WDR62: variants seen among roughly 807,000 people sequenced by gnomAD.
WDR62 encodes WD repeat domain 62.
Under a neutral mutation model 160.6 loss-of-function variants are expected in WDR62, and 112 were observed. The ratio of observed to expected loss-of-function variants is 0.70; its 90% CI spans 0.60 to 0.82. The LOEUF is 0.82. WDR62 is among the 40% of genes least tolerant of loss of function. The pLI is 0.00. For missense variants in WDR62, 1,819 were observed against 1,983.8 expected, an observed-to-expected ratio of 0.92 and a Z score of 1.58; for synonymous variants, 792 against 815.1, an observed-to-expected ratio of 0.97 and a Z score of 0.48.
At position 36,067,373 on chromosome 19, in the gene WDR62, G is replaced by C; in HGVS notation, c.629G>C (p.Ser210Thr). Residue 210 changes from serine (S) to threonine (T), a missense_variant, in exon 6 of 32, where the codon AGC (serine) becomes ACC (threonine). Ser to Thr is a moderately conservative substitution (Grantham distance 58). Transcript: ENST00000401500. ...RVIALSFSED[S>T]SYFVTVGNRH... Reference sequence around the variant, plus strand: ...ATTGCCCTCTCCTTCTCAGAGGACAGCAGCTATTTTGTCACTGTTGGGAAC... The same window carrying C: ...ATTGCCCTCTCCTTCTCAGAGGACACCAGCTATTTTGTCACTGTTGGGAAC... 1 of 1,614,198 alleles carries C rather than the reference G, an allele frequency of 6.2e-7. No homozygotes were observed. Among genetic ancestry groups the C allele is most frequent in the Non-Finnish European group, 8.5e-7 (1 of 1,180,014 alleles).
rs754970455 is a variant in WDR62, at chr19:36,099,648, G to A, written c.2739+31G>A. The A allele has an allele frequency of 3.3e-5, 53 of 1,610,620 alleles. No individual in the cohort carries two copies. The South Asian group carries it at 5.2e-4, about 16-fold the overall frequency. On this transcript the variant is annotated intron_variant, in intron 22 of 31. Transcript: ENST00000401500. Reference sequence around the variant, plus strand: ...CACTTCCACCGCAGCCTGGCCCATAGCCCCGGCACCGTGACGGCCCCAGGG... The same window carrying A: ...CACTTCCACCGCAGCCTGGCCCATAACCCCGGCACCGTGACGGCCCCAGGG...
At chr19:36,101,095 G>T in intron 23 of WDR62, 119 bp from the exon 24 acceptor site, 1 of 1,173,244 alleles carries the variant, frequency 8.5e-7, no homozygotes, top group South Asian at 1.3e-5. Flanking sequence ...AGGCGGGGAG[G>T]CTGTCGCAGT....
chr19:36,061,356 A>G (rs1489743205), intron 3 of WDR62: 1 of 152,246 alleles, frequency 6.6e-6, no homozygotes, highest in Non-Finnish European at 1.5e-5. Flanking sequence ...AGCTGCCTCC[A>G]ACTGGGAGAG....
the WDR62 span, among the ~76,000 whole-genome samples, chr19:36,110,756 A>T: frequency 6.6e-6 from 1 of 152,268 alleles, no homozygotes; most frequent in African/African-American, 2.4e-5. Context: ...CAATCACAGC[A>T]GGGGGCCCCT....
At chr19:36,077,182 C>G (rs1294727653) in intron 9 of WDR62, among the ~76,000 whole-genome samples, 1 of 152,118 alleles carries the variant, frequency 6.6e-6, no homozygotes, top group Non-Finnish European at 1.5e-5. Flanking sequence ...CCACTCCCCC[C>G]ATCCATGGAA....
intron 23 of WDR62, 106 bp downstream of exon 23, chr19:36,100,981 G>T: frequency 6.4e-7 from 1 of 1,572,040 alleles, no homozygotes; most frequent in Non-Finnish European, 8.7e-7. Context: ...TGTGGGAGTG[G>T]GGACAGTTGA....
chr19:36,086,001 G>T (rs1245846430), intron 12 of WDR62, among the ~76,000 whole-genome samples: 1 of 152,026 alleles, frequency 6.6e-6, no homozygotes, highest in African/African-American at 2.4e-5. Flanking sequence ...TGTTTTCTAG[G>T]CTGGGCACGG....
chr19:36,092,557 G>A, intron 18 of WDR62, 132 bp from the exon 19 acceptor site: 1 of 1,294,062 alleles, frequency 7.7e-7, no homozygotes, highest in East Asian at 2.4e-5. Context: ...TAAGCGGATA[G>A]GGGTGTGTTT....
chr19:36,070,912 A>C (rs1179253910), intron 7 of WDR62: 1 of 153,458 alleles, frequency 6.5e-6, no homozygotes, highest in African/African-American at 2.4e-5. Flanking sequence ...AAGGGAATAA[A>C]ATTTAAGCCT....
At chr19:36,062,956 T>TC in intron 3 of WDR62, among the ~76,000 whole-genome samples, 1 of 152,078 alleles carries the variant, frequency 6.6e-6, no homozygotes. Context: ...CTTGACATTT[T>TC]TTTTTTTCTT....
chr19:36,101,448 C>G, intron 24 of WDR62, 131 bp downstream of exon 24: 1 of 931,458 alleles, frequency 1.1e-6, no homozygotes, highest in Non-Finnish European at 1.7e-6. Flanking sequence ...GTGGTCCCTG[C>G]TGCTGCCTGA....
At chr19:36,085,437 T>TTTTTTTA (rs1972162150) in intron 12 of WDR62, among the ~76,000 whole-genome samples, 2 of 121,648 alleles carry the variant, frequency 1.6e-5, no homozygotes, top group South Asian at 2.6e-4. Flanking sequence ...TTTTTTTTTT[T>TTTTTTTA]GAGACAAGAG....
intron 9 of WDR62, among the ~76,000 whole-genome samples, chr19:36,080,361 G>T (rs188140661): frequency 6.6e-6 from 1 of 151,460 alleles, no homozygotes; most frequent in South Asian, 2.1e-4. Context: ...TGATCCTCCC[G>T]CCTCGGCCTC....
downstream of WDR62, among the ~76,000 whole-genome samples, chr19:36,108,713 G>A (rs1211017650): frequency 4.6e-5 from 7 of 152,022 alleles, no homozygotes; most frequent in East Asian, 1.2e-3. Context: ...AATTAGCTAG[G>A]TGTGGTGGTG....
At chr19:36,071,781 CA>C in intron 8 of WDR62, 65 bp downstream of exon 8, 2 of 1,557,628 alleles carry the variant, frequency 1.3e-6, no homozygotes, top group Admixed American at 1.8e-5. Flanking sequence ...GGCATTCATC[CA>C]TGCTTCCAGA....
At chr19:36,084,617 G>C (rs376053272) in intron 11 of WDR62, 36 bp from the exon 12 acceptor site, 24 of 1,602,110 alleles carry the variant, frequency 1.5e-5, no homozygotes, top group Non-Finnish European at 2.0e-5. Context: ...ATGGGGCTGG[G>C]GTGTGGGGCT....
chr19:36,055,031 TG>T lies in WDR62; in HGVS notation c.61del (p.Val21SerfsTer56). On this transcript the variant is annotated frameshift_variant, in exon 1 of 32. Coordinates refer to ENST00000401500, the MANE Select transcript of WDR62 (RefSeq NM_001083961.2). LOFTEE classifies it high-confidence loss of function. ...RNDAGEKLPS[V>X]MAGVPARRGQ... ...ACGATGCAGGGGAGAAGCTGCCCTC[TG>T]TCATGGCGGGAGTTCCGGCGCGGAG... 1 of 1,607,964 alleles carries T rather than the reference TG, an allele frequency of 6.2e-7. No individual in the cohort carries two copies. Among genetic ancestry groups the T allele is most frequent in the African/African-American group, 1.3e-5 (1 of 74,978 alleles).
chr19:36,066,515 G>C, intron 5 of WDR62, 88 bp downstream of exon 5: 1 of 1,429,866 alleles, frequency 7.0e-7, no homozygotes, highest in Non-Finnish European at 9.6e-7. Context: ...ATGAGAGGAC[G>C]CAGTAAAGTG....
At chr19:36,086,956 G>A (rs1198018857) in intron 13 of WDR62, 144 bp downstream of exon 13, 6 of 1,270,164 alleles carry the variant, frequency 4.7e-6, no homozygotes, top group East Asian at 2.8e-5. Context: ...GACTGGGGCC[G>A]GGTGTAATGG....
Sources: gnomAD v4.1 joint callset for allele counts (sites outside exome capture counted in the v4.1 genomes callset) on GRCh38, gnomAD v4.1.1 for gene constraint, MANE v1.5 for transcripts, NCBI Gene and HGNC (gene_info 2026-07-23, HGNC 2026-07-21) for gene names.